The following FAHD1 variants were observed in gnomAD, a reference collection of about 807,000 sequenced individuals.
The protein encoded by FAHD1 is FAH domain containing oxaloacetate decarboxylase 1.
A neutral mutation model predicts 12.7 loss-of-function variants in FAHD1; 14 were observed. The observed-to-expected ratio is 1.10, with a 90% CI of 0.73 to 1.72. The LOEUF (loss-of-function observed/expected upper bound fraction) is 1.72. FAHD1 is among the 40% of genes most tolerant of loss of function. The pLI is 0.00. For missense variants in FAHD1, 351 were observed against 298.9 expected, an observed-to-expected ratio of 1.17 and a Z score of -1.29; for synonymous variants, 153 against 124.9, an observed-to-expected ratio of 1.22 and a Z score of -1.50.
At chr16:1,832,099 G>A (rs970535165), downstream of FAHD1, among the ~76,000 whole-genome samples, 8 of 151,162 alleles carry the variant, frequency 5.3e-5, no homozygotes, top group African/African-American at 1.7e-4. Context: ...AAACTACCAT[G>A]TTGCACTTGA....
At chr16:1,829,539 TAAG>T (rs957044032), downstream of FAHD1, among the ~76,000 whole-genome samples, 4 of 152,300 alleles carry the variant, frequency 2.6e-5, no homozygotes, top group African/African-American at 9.6e-5. Flanking sequence ...AGTAGATACA[TAAG>T]AAGAATCAGA....
downstream of FAHD1, among the ~76,000 whole-genome samples, chr16:1,833,565 T>C (rs9944385): frequency 1.3e-4 from 19 of 148,678 alleles, no homozygotes; most frequent in South Asian, 1.7e-3. Flanking sequence ...TTTTTTTTTT[T>C]TTTTTTTTTT....
chr16:1,837,822 A>G (rs1423761174), intron 1 of FAHD1: 3 of 1,540,880 alleles, frequency 1.9e-6, no homozygotes, highest in Non-Finnish European at 2.6e-6. Flanking sequence ...AGAAATTGCC[A>G]CTTTAATGCT....
In FAHD1 at chr16:1,837,345, G is replaced by T. The variant is rs866603858; in HGVS notation, c.628-671G>T. On this transcript the variant is annotated intron_variant, in intron 1 of 2. Transcript: ENST00000382666. ...CTGAAGGGAACACCACAGGGTGGGT[G>T]GGGGTGGGGACAACCTAGTCTGACC... is the stretch of plus-strand genomic sequence containing the variant. Among the ~76,000 whole-genome samples the T allele has an allele frequency of 2.6e-5, 4 of 152,176 alleles. No individual in the cohort carries two copies. In the Middle Eastern group the frequency reaches 0.01, roughly 388 times the overall value.
At chr16:1,839,580 A>ACT (rs1297657828) in exon 3 of FAHD1, 1 of 698,978 alleles carries the variant, frequency 1.4e-6, no homozygotes. Context: ...GGTCTACAAG[A>ACT]CAGTCGTAAA....
At chr16:1,839,206 G>T in intron 2 of FAHD1, 1 of 1,486,554 alleles carries the variant, frequency 6.7e-7, no homozygotes, top group East Asian at 2.4e-5. Context: ...TTGGGAAAAA[G>T]CATTCACTTT....
At chr16:1,839,355 A>C (rs1898836266) in exon 3 of FAHD1, 1 of 1,614,100 alleles carries the variant, frequency 6.2e-7, no homozygotes, top group African/African-American at 1.3e-5. Flanking sequence ...GAAACTGAGA[A>C]AGACAGATTT....
At chr16:1,837,399 TCTCA>T (rs1314816783) in intron 1 of FAHD1, among the ~76,000 whole-genome samples, 3 of 152,038 alleles carry the variant, frequency 2.0e-5, no homozygotes, top group African/African-American at 7.2e-5. Context: ...AAGAGAGGGG[TCTCA>T]CTATGTTGCC....
At chr16:1,828,066 C>A in exon 1 of FAHD1, 1 of 1,310,812 alleles carries the variant, frequency 7.6e-7, no homozygotes, top group Non-Finnish European at 1.0e-6. Context: ...CGGCTCACGA[C>A]GTCAGGAGAT....
intron 1 of FAHD1, among the ~76,000 whole-genome samples, chr16:1,836,303 T>G (rs992381110): frequency 6.6e-6 from 1 of 152,242 alleles, no homozygotes; most frequent in Non-Finnish European, 1.5e-5. Context: ...GGAACATCTG[T>G]TACACACATT....
chr16:1,839,569 C>G, exon 3 of FAHD1: 1 of 775,244 alleles, frequency 1.3e-6, no homozygotes, highest in Admixed American at 3.0e-5. Context: ...CAGTGCTATG[C>G]GGTCTACAAG....
intron 1 of FAHD1, among the ~76,000 whole-genome samples, chr16:1,835,859 TTTC>T (rs1331752734): frequency 7.3e-4 from 93 of 127,714 alleles, no homozygotes; most frequent in African/African-American, 2.7e-3. Context: ...CCAATTCCTT[TTTC>T]TTTTTTTTTT....
chr16:1,839,148 T>C, intron 2 of FAHD1: 1 of 1,315,432 alleles, frequency 7.6e-7, no homozygotes, highest in Non-Finnish European at 1.0e-6. Flanking sequence ...GGCTGTTTAT[T>C]AGTGAATCAA....
downstream of FAHD1, among the ~76,000 whole-genome samples, chr16:1,833,434 C>G (rs762112087): frequency 2.6e-5 from 4 of 152,188 alleles, no homozygotes; most frequent in South Asian, 8.3e-4. Flanking sequence ...AGCAGTCGCA[C>G]AGGATTGCCC....
exon 1 of FAHD1, chr16:1,827,963 T>C (rs996443155): frequency 2.7e-5 from 42 of 1,569,360 alleles, no homozygotes; most frequent in East Asian, 1.8e-4. Context: ...GCAACGGCTA[T>C]TAAATGTCAC....
exon 3 of FAHD1, chr16:1,839,595 A>G: frequency 6.5e-6 from 4 of 619,144 alleles, no homozygotes; most frequent in South Asian, 2.4e-5. Flanking sequence ...CGTAAAAAAC[A>G]GTAAAACACA....
intron 1 of FAHD1, among the ~76,000 whole-genome samples, chr16:1,835,650 C>T (rs73490122): frequency 0.036 from 5,490 of 152,168 alleles, 342 homozygotes; most frequent in African/African-American, 0.12. Flanking sequence ...AGGGGCTACA[C>T]CTCCCATTGC....
rs1010446295 is a variant in FAHD1 at position 1,839,255 on chromosome 16, C to T, written c.*9-7C>T. 10 of 1,578,890 alleles carry T rather than the reference C, an allele frequency of 6.3e-6. No homozygotes were observed. Among genetic ancestry groups the T allele is most frequent in the East Asian group, 2.3e-5 (1 of 43,814 alleles). ...ACATTTCTTCCTTTTTGCTATTTAC[C>T]GTGCAGCCCAAAGTCTCCTCAGCAA... On this transcript the variant is annotated splice_region_variant and splice_polypyrimidine_tract_variant and intron_variant, in intron 2 of 2. Coordinates refer to the FAHD1 transcript ENST00000382666.
chr16:1,827,437 C>T (rs1439593354), exon 1 of FAHD1: 6 of 1,610,376 alleles, frequency 3.7e-6, no homozygotes, highest in Middle Eastern at 1.7e-4. Flanking sequence ...CAACCTGCAC[C>T]ACGAGCTGGA....
Sources: gnomAD v4.1 joint callset for allele counts (sites outside exome capture counted in the v4.1 genomes callset) on GRCh38, gnomAD v4.1.1 for gene constraint, MANE v1.5 for transcripts, NCBI Gene and HGNC (gene_info 2026-07-23, HGNC 2026-07-21) for gene names.